ERC1: variants seen among roughly 807,000 people sequenced by gnomAD.
ERC1 encodes ELKS/RAB6-interacting/CAST family member 1, also known as RAB6 interacting protein 2.
A neutral mutation model predicts 132.0 loss-of-function variants in ERC1; 56 were observed. The ratio of observed to expected loss-of-function variants is 0.42; its 90% CI spans 0.34 to 0.53. The LOEUF is 0.53. ERC1 is among the 20% of genes least tolerant of loss of function. The probability of loss-of-function intolerance (pLI) is 0.03; values close to 1 mark genes in which losing one functional copy is unlikely to be tolerated. For synonymous variants in ERC1, 478 were observed against 476.1 expected, an observed-to-expected ratio of 1.00 and a Z score of -0.05; for missense variants, 1,202 against 1,349.9, an observed-to-expected ratio of 0.89 and a Z score of 1.72.
intron 12 of ERC1, among the ~76,000 whole-genome samples, chr12:1,215,972 T>G (rs1224471123): frequency 6.6e-6 from 1 of 152,226 alleles, no homozygotes; most frequent in East Asian, 1.9e-4. Context: ...CTTTGTAAAT[T>G]AAGTCATGTT....
At chr12:999,164 A>G (rs910503048) in intron 1 of ERC1, among the ~76,000 whole-genome samples, 7 of 152,030 alleles carry the variant, frequency 4.6e-5, no homozygotes, top group Admixed American at 2.6e-4. Context: ...CTGGCCTCTC[A>G]GTCACCTTTT....
chr12:1,187,525 C>A (rs1955236352), intron 11 of ERC1, among the ~76,000 whole-genome samples: 1 of 151,922 alleles, frequency 6.6e-6, no homozygotes, highest in South Asian at 2.1e-4. Context: ...GCTTAGCCTC[C>A]CAAAGTGCTG....
Position 1,393,577 on chromosome 12 carries a change from C to A in ERC1, c.2926-14572C>A, listed in dbSNP as rs1371370252. ...ACTTTTATTCTTGTGATCTAAAGTT[C>A]TTTTTTTTTTTTCCTTTAGAGAGAA... is the stretch of plus-strand genomic sequence containing the variant. On this transcript the variant is annotated intron_variant, in intron 16 of 18. Coordinates refer to ENST00000360905, the MANE Select transcript of ERC1 (RefSeq NM_178040.4). 3.1e-5 allele frequency among the ~76,000 whole-genome samples: 4 copies of A among 130,480 alleles called. No homozygotes were observed. The East Asian group carries it at 9.2e-4, about 30-fold the overall frequency. The allele number at this position is 130,480 out of a possible 152,430, so 85.6% of individuals were successfully genotyped here.
chr12:1,414,331 C>A (rs1344590360), intron 17 of ERC1, among the ~76,000 whole-genome samples: 2 of 152,206 alleles, frequency 1.3e-5, no homozygotes, highest in African/African-American at 2.4e-5. Context: ...GCTGGCTTCT[C>A]ACTGTGTCTT....
chr12:1,467,455 A>T (rs1364162024), intron 18 of ERC1, among the ~76,000 whole-genome samples: 1 of 151,794 alleles, frequency 6.6e-6, no homozygotes, highest in Non-Finnish European at 1.5e-5. Flanking sequence ...AACCAGCTTA[A>T]CCTCTTCATT....
At position 1,130,461 on chromosome 12, in the gene ERC1, G is replaced by A. The variant is rs559192766; in HGVS notation, c.1570-11159G>A. Among the ~76,000 whole-genome samples, 4 of 152,258 alleles carry A rather than the reference G, an allele frequency of 2.6e-5. No individual in the cohort carries two copies. In the South Asian group the frequency reaches 8.3e-4, roughly 32 times the overall value. ...GTTGGCTGACTGCCATGCTTTATCA[G>A]GTTTGCAGAGGCCAAGAGTTCCTTG... On this transcript the variant is annotated intron_variant, in intron 7 of 18. Transcript: ENST00000360905.
At chr12:1,268,917 G>A (rs183691102) in intron 14 of ERC1, among the ~76,000 whole-genome samples, 4 of 152,316 alleles carry the variant, frequency 2.6e-5, no homozygotes, top group Admixed American at 6.5e-5. Flanking sequence ...CAAGAACTAT[G>A]TAAAGAAGAG....
chr12:1,388,284 A>G (rs772779701), intron 16 of ERC1, among the ~76,000 whole-genome samples: 1 of 144,570 alleles, frequency 6.9e-6, no homozygotes, highest in Non-Finnish European at 1.5e-5. Flanking sequence ...CGGGAGGCGG[A>G]GCTTGCAGTG....
At chr12:1,410,338 C>T in intron 17 of ERC1, 2 of 838,866 alleles carry the variant, frequency 2.4e-6, no homozygotes, top group Admixed American at 2.5e-5. Context: ...ACCTCTTTTT[C>T]ATTCCATGCT....
intron 15 of ERC1, among the ~76,000 whole-genome samples, chr12:1,328,986 A>T (rs1416401831): frequency 1.2e-5 from 1 of 83,546 alleles, no homozygotes; most frequent in African/African-American, 8.9e-5. Context: ...AAAAGTTACT[A>T]AAAAAAAAAA....
chr12:1,021,911 C>T (rs1402154795), intron 1 of ERC1, among the ~76,000 whole-genome samples: 1 of 152,132 alleles, frequency 6.6e-6, no homozygotes, highest in Non-Finnish European at 1.5e-5. Context: ...TGTATTCTGT[C>T]AGTATCCATG....
At chr12:1,349,166 C>T (rs768152097) in intron 15 of ERC1, among the ~76,000 whole-genome samples, 4 of 152,156 alleles carry the variant, frequency 2.6e-5, no homozygotes, top group Non-Finnish European at 5.9e-5. Flanking sequence ...CCCAAGAAAA[C>T]GACGACACTG....
intron 12 of ERC1, among the ~76,000 whole-genome samples, chr12:1,216,354 T>A (rs541432473): frequency 5.9e-5 from 9 of 152,226 alleles, no homozygotes; most frequent in Admixed American, 1.3e-4. Context: ...ACTTAATAGA[T>A]CTGCTTTTAT....
chr12:1,231,415 T>C (rs1242794911), intron 12 of ERC1, among the ~76,000 whole-genome samples: 1 of 152,228 alleles, frequency 6.6e-6, no homozygotes, highest in African/African-American at 2.4e-5. Context: ...TATACTTTTG[T>C]CTTTTAACTT....
chr12:1,367,291 G>C (rs1475031461), intron 15 of ERC1, among the ~76,000 whole-genome samples: 2 of 152,148 alleles, frequency 1.3e-5, no homozygotes, highest in Admixed American at 1.3e-4. Flanking sequence ...ACATTAAAAT[G>C]TCCAAAGCTA....
intron 17 of ERC1, among the ~76,000 whole-genome samples, chr12:1,423,944 A>G (rs545453216): frequency 3.0e-4 from 45 of 152,332 alleles, no homozygotes; most frequent in Non-Finnish European, 5.0e-4. Flanking sequence ...TAAACAAGTA[A>G]TAGGTATTCA....
chr12:1,379,297 G>A (rs1350906723), intron 16 of ERC1, among the ~76,000 whole-genome samples: 11 of 152,156 alleles, frequency 7.2e-5, no homozygotes, highest in African/African-American at 1.2e-4. Flanking sequence ...CTACACAACT[G>A]TAGGTGACAT....
At chr12:1,487,800 GAAAA>G (rs2094253404) in intron 18 of ERC1, among the ~76,000 whole-genome samples, 1 of 107,524 alleles carries the variant, frequency 9.3e-6, no homozygotes, top group African/African-American at 3.3e-5. Context: ...AAGAAGGAAA[GAAAA>G]GAAACGAGAG....
intron 18 of ERC1, among the ~76,000 whole-genome samples, chr12:1,469,464 C>T (rs2093812448): frequency 6.6e-6 from 1 of 152,252 alleles, no homozygotes; most frequent in Admixed American, 6.5e-5. Flanking sequence ...GCTGTTTTCT[C>T]AGAAAGAGAG....
Sources: allele counts gnomAD v4.1 joint callset (sites outside exome capture counted in the v4.1 genomes callset), GRCh38; gene constraint gnomAD v4.1.1; transcripts MANE v1.5; gene names NCBI Gene and HGNC (gene_info 2026-07-23, HGNC 2026-07-21).